The following COL9A1 variants were observed in gnomAD, a reference collection of about 807,000 sequenced individuals.
The protein encoded by COL9A1 is collagen alpha-1(IX) chain.
A neutral mutation model predicts 142.6 loss-of-function variants in COL9A1; 104 were observed. That is an observed-to-expected ratio of 0.73 (90% CI 0.62 to 0.86). The LOEUF is 0.86. COL9A1 is among the 40% of genes least tolerant of loss of function. The probability of loss-of-function intolerance (pLI) is 0.00; values close to 1 mark genes in which losing one functional copy is unlikely to be tolerated. For missense variants in COL9A1, 1,210 were observed against 1,176.6 expected (o/e 1.03, Z -0.42); for synonymous variants, 466 against 396.0 (o/e 1.18, Z -2.10).
intron 13 of COL9A1, 28 bp downstream of exon 13, chr6:70,272,037 T>A: frequency 2.5e-6 from 4 of 1,606,148 alleles, no homozygotes; most frequent in Non-Finnish European, 2.6e-6. Context: ...ATAGACTGCA[T>A]AAAAATAAAT....
At chr6:70,243,230 T>G (rs1455084569) in intron 28 of COL9A1, among the ~76,000 whole-genome samples, 2 of 152,346 alleles carry the variant, frequency 1.3e-5, no homozygotes, top group East Asian at 3.9e-4. Context: ...ACACAGATGG[T>G]AAAAATTTCT....
At chr6:70,283,233 C>T in intron 6 of COL9A1, 1 of 1,452,418 alleles carries the variant, frequency 6.9e-7, no homozygotes, top group Non-Finnish European at 9.0e-7. Flanking sequence ...TGAATGGCCC[C>T]GGAGAGGGTC....
chr6:70,264,748 A>C (rs1279044923), intron 18 of COL9A1, among the ~76,000 whole-genome samples: 1 of 152,076 alleles, frequency 6.6e-6, no homozygotes, highest in Non-Finnish European at 1.5e-5. Flanking sequence ...ATTTATTATC[A>C]TTTCACTATG....
rs145674672 is a variant in COL9A1 at position 70,263,919 on chromosome 6, G to T, written c.1342-622C>A. Among the ~76,000 whole-genome samples, 471 of 151,870 alleles carry T rather than the reference G, an allele frequency of 3.1e-3. 1 individual carries two copies. Among genetic ancestry groups the T allele is most frequent in the African/African-American group, 0.011 (437 of 41,492 alleles). ...TCTATTTCTTCTTACATAGAAATCT[G>T]TAATTACCCGTAATTTGTTTGGATG... On this transcript the variant is annotated intron_variant, in intron 18 of 37. Coordinates refer to ENST00000357250, the MANE Select transcript of COL9A1 (RefSeq NM_001851.6).
intron 4 of COL9A1, among the ~76,000 whole-genome samples, chr6:70,299,269 T>C (rs1308579750): frequency 1.3e-5 from 2 of 152,086 alleles, no homozygotes; most frequent in African/African-American, 4.8e-5. Flanking sequence ...TTAATCATTA[T>C]TTATCTTTAT....
At chr6:70,273,350 G>A (rs1036056446) in intron 12 of COL9A1, among the ~76,000 whole-genome samples, 6 of 152,170 alleles carry the variant, frequency 3.9e-5, no homozygotes, top group African/African-American at 1.4e-4. Context: ...TAAGAGTTGA[G>A]TTGAAAAATA....
chr6:70,219,144 T>C (rs1768717124), intron 37 of COL9A1, among the ~76,000 whole-genome samples: 1 of 152,202 alleles, frequency 6.6e-6, no homozygotes, highest in Non-Finnish European at 1.5e-5. Flanking sequence ...GAAGTTGATT[T>C]TTTTAAGGTT....
Position 70,257,091 on chromosome 6 carries a change from G to A in COL9A1, c.1450-270C>T, listed in dbSNP as rs1711729. The stretch of plus-strand genomic sequence containing the variant: ...TTTTTTTTTTTGTAGACAGGGTTTC[G>A]CTCTTGTTGCCCAGGCTGGAGTGCA... On this transcript the variant is annotated intron_variant, in intron 20 of 37. Transcript: ENST00000357250. 0.38 allele frequency among the ~76,000 whole-genome samples: 48,531 copies of A among 129,166 alleles called. 8,839 individuals are homozygous for A. The highest frequency in any genetic ancestry group is 0.47 in the Middle Eastern group (99 of 212). The allele number at this position is 129,166 out of a possible 152,430, so 84.7% of individuals were successfully genotyped here. A position where few individuals can be genotyped will look rare whatever the true frequency, so the allele number is the denominator to read the frequency against.
chr6:70,271,762 T>A lies in COL9A1; in HGVS notation c.1090-54A>T, dbSNP rs895520662. The A allele has an allele frequency of 2.7e-6, 4 of 1,456,238 alleles. No individual in the cohort carries two copies. The African/African-American group carries it at 5.6e-5, about 20-fold the overall frequency. 90.2% of individuals were successfully genotyped at this position (1,456,238 alleles called of 1,614,324 possible). A position where few individuals can be genotyped will look rare whatever the true frequency, so the allele number is the denominator to read the frequency against. ...CATTTATGAATATTTTTACAATCTA[T>A]CATACATTATATCAAATATGATAAA... On this transcript the variant is annotated intron_variant, in intron 13 of 37. Coordinates refer to ENST00000357250, the MANE Select transcript of COL9A1 (RefSeq NM_001851.6).
At position 70,224,686 on chromosome 6, in the gene COL9A1, C is replaced by T. The variant is rs186055688; in HGVS notation, c.2581+1246G>A. On this transcript the variant is annotated intron_variant, in intron 37 of 37. Transcript: ENST00000357250. ...CCTTTAGTAAATTCTATTTCCTTTT[C>T]CTCTCCTCTACACACCCATCAATGA... Among the ~76,000 whole-genome samples the T allele has an allele frequency of 2.2e-3, 330 of 152,218 alleles. 1 individual carries two copies. The highest frequency in any genetic ancestry group is 2.6e-3 in the Non-Finnish European group (174 of 68,006).
chr6:70,215,939 A>ACG (rs200373755), downstream of COL9A1: 1 of 150,034 alleles, frequency 6.7e-6, no homozygotes, highest in African/African-American at 2.5e-5. Flanking sequence ...ACACACACAC[A>ACG]TACGCATCTG....
intron 4 of COL9A1, among the ~76,000 whole-genome samples, chr6:70,298,805 A>T (rs1773944617): frequency 6.6e-6 from 1 of 152,204 alleles, no homozygotes; most frequent in South Asian, 2.1e-4. Context: ...ACTTCCATAC[A>T]TGAAAAGAAA....
chr6:70,217,042 T>C lies in COL9A1; in HGVS notation c.2621A>G (p.Asp874Gly). 6.2e-7 allele frequency: 1 copy of C among 1,614,126 alleles called. No homozygotes were observed. The highest frequency in any genetic ancestry group is 8.5e-7 in the Non-Finnish European group (1 of 1,180,030). ...CACCCCTGGGGGGCCTCGCTCACCG[T>C]CTCGGCCATTTCTGCCATAGCTGGC... ...GPASYGRNGR[D>G]GERGPPGVAG... The change falls in exon 38 of 38, where the codon GAC becomes GGC. Residue 874 changes from aspartate (D) to glycine (G), a missense_variant. By Grantham distance (94) the Asp-to-Gly change is moderately conservative. Coordinates refer to ENST00000357250, the MANE Select transcript of COL9A1 (RefSeq NM_001851.6).
At chr6:70,224,279 C>T (rs1018786580) in intron 37 of COL9A1, among the ~76,000 whole-genome samples, 1 of 152,062 alleles carries the variant, frequency 6.6e-6, no homozygotes, top group African/African-American at 2.4e-5. Context: ...ACTGTGTGCC[C>T]CGTTTGCGCC....
chr6:70,278,924 C>G (rs1042332064), intron 10 of COL9A1, among the ~76,000 whole-genome samples: 5 of 152,146 alleles, frequency 3.3e-5, no homozygotes, highest in African/African-American at 1.2e-4. Context: ...GTTGAGTAAG[C>G]TACAAAAGCA....
At chr6:70,290,154 C>T (rs1466132600) in intron 5 of COL9A1, among the ~76,000 whole-genome samples, 1 of 152,138 alleles carries the variant, frequency 6.6e-6, no homozygotes, top group African/African-American at 2.4e-5. Flanking sequence ...AATCACCCCT[C>T]AAACAAGCCC....
chr6:70,245,985 A>G (rs1445992547), intron 28 of COL9A1: 1 of 152,230 alleles, frequency 6.6e-6, no homozygotes, highest in Admixed American at 6.5e-5. Context: ...AACCATAACC[A>G]AAGGCTGTAC....
In COL9A1 at chr6:70,293,222, C is replaced by T. The variant is rs145942874; in HGVS notation, c.696+945G>A. ...GAGAGAGAGAAAGAGAGGTTGGCCTCAAGATTTATTTGTTGAGCTCTAAAT... is the reference window on the plus strand; with the variant it reads ...GAGAGAGAGAAAGAGAGGTTGGCCTTAAGATTTATTTGTTGAGCTCTAAAT... On this transcript the variant is annotated intron_variant, in intron 5 of 37. Transcript: ENST00000357250. Among the ~76,000 whole-genome samples the T allele has an allele frequency of 6.1e-3, 927 of 152,258 alleles. 7 individuals are homozygous for T. Among genetic ancestry groups the T allele is most frequent in the African/African-American group, 0.021 (853 of 41,558 alleles).
At chr6:70,266,824 A>G in intron 17 of COL9A1, 54 bp from the exon 18 acceptor site, 1 of 1,401,528 alleles carries the variant, frequency 7.1e-7, no homozygotes, top group South Asian at 1.2e-5. Context: ...AAGTGATCAG[A>G]AGGCTCATAA....
Sources: allele counts gnomAD v4.1 joint callset (sites outside exome capture counted in the v4.1 genomes callset), GRCh38; gene constraint gnomAD v4.1.1; transcripts MANE v1.5; gene names NCBI Gene and HGNC (gene_info 2026-07-23, HGNC 2026-07-21).